The following BAZ2B variants were observed in gnomAD, a reference collection of about 807,000 sequenced individuals.
BAZ2B encodes bromodomain adjacent to zinc finger domain protein 2B.
Under a neutral mutation model 246.0 loss-of-function variants are expected in BAZ2B, and 91 were observed. That is an observed-to-expected ratio of 0.37 (90% CI 0.31 to 0.44). The LOEUF (loss-of-function observed/expected upper bound fraction) is 0.44. Among genes scored for constraint, BAZ2B ranks in the 20% least tolerant of loss-of-function variants. The pLI, the probability that BAZ2B is intolerant of heterozygous loss-of-function variation, is 1.00. For missense variants in BAZ2B, 2,332 were observed against 2,533.7 expected, an observed-to-expected ratio of 0.92 and a Z score of 1.71; for synonymous variants, 855 against 860.0, an observed-to-expected ratio of 0.99 and a Z score of 0.10.
At chr2:159,418,635 G>GTA (rs1326201900) in intron 13 of BAZ2B, among the ~76,000 whole-genome samples, 7 of 151,402 alleles carry the variant, frequency 4.6e-5, no homozygotes, top group Non-Finnish European at 8.8e-5. Flanking sequence ...ATATAATTAT[G>GTA]TAAATACAGT....
the BAZ2B span, among the ~76,000 whole-genome samples, chr2:159,631,595 G>A: frequency 1.3e-5 from 2 of 152,210 alleles, no homozygotes; most frequent in East Asian, 3.8e-4. Context: ...TAGCCAATTT[G>A]AAGGGTCCAA....
At chr2:159,326,839 G>A (rs2063783226) in intron 34 of BAZ2B, among the ~76,000 whole-genome samples, 1 of 152,124 alleles carries the variant, frequency 6.6e-6, no homozygotes, top group Non-Finnish European at 1.5e-5. Context: ...AAAAAAATCT[G>A]CCTTTTGAGA....
intron 31 of BAZ2B, among the ~76,000 whole-genome samples, chr2:159,346,087 A>G (rs1299206907): frequency 6.6e-6 from 1 of 152,232 alleles, no homozygotes; most frequent in East Asian, 1.9e-4. Flanking sequence ...CAGAAAGATG[A>G]CAATACACGA....
the BAZ2B span, among the ~76,000 whole-genome samples, chr2:159,709,827 T>C: frequency 1.3e-5 from 2 of 152,150 alleles, no homozygotes; most frequent in Admixed American, 6.6e-5. Context: ...AGTAAAGGGT[T>C]GAATGACCAT....
At chr2:159,694,410 A>G in the BAZ2B span, 1 of 152,148 alleles carries the variant, frequency 6.6e-6, no homozygotes, top group Non-Finnish European at 1.5e-5. Context: ...ACAAGTTCAT[A>G]AAACAAACAC....
chr2:159,617,677 A>C (rs1696240691), upstream of BAZ2B, among the ~76,000 whole-genome samples: 4 of 152,166 alleles, frequency 2.6e-5, no homozygotes, highest in South Asian at 8.3e-4. Flanking sequence ...CTATTGTTTT[A>C]TGTTTCCTCT....
chr2:159,588,246 A>C (rs2151680257), intron 1 of BAZ2B, among the ~76,000 whole-genome samples: 1 of 151,010 alleles, frequency 6.6e-6, no homozygotes, highest in Non-Finnish European at 1.5e-5. Flanking sequence ...CTGCTTGCCA[A>C]ATGAAACAAA....
intron 16 of BAZ2B, 32 bp from the exon 17 acceptor site, chr2:159,400,696 T>C (rs756175136): frequency 2.5e-6 from 3 of 1,214,492 alleles, no homozygotes; most frequent in Admixed American, 2.0e-5. Context: ...CTTGAGATAA[T>C]AAAATAAACT....
intron 16 of BAZ2B, among the ~76,000 whole-genome samples, chr2:159,401,415 T>C (rs2065046998): frequency 6.6e-6 from 1 of 152,200 alleles, no homozygotes; most frequent in Non-Finnish European, 1.5e-5. Flanking sequence ...GAGAGGTGTT[T>C]GCCCTTTCTC....
chr2:159,576,879 C>G (rs1167370981), intron 1 of BAZ2B, among the ~76,000 whole-genome samples: 1 of 130,188 alleles, frequency 7.7e-6, no homozygotes, highest in Admixed American at 8.4e-5. Context: ...CGCCACTGCA[C>G]TCCAGCCTGG....
At chr2:159,697,719 TTAAATA>T in the BAZ2B span, among the ~76,000 whole-genome samples, 1 of 152,154 alleles carries the variant, frequency 6.6e-6, no homozygotes, top group South Asian at 2.1e-4. Context: ...TACTATCTTC[TTAAATA>T]TAAATATCTT....
intron 1 of BAZ2B, among the ~76,000 whole-genome samples, chr2:159,597,339 T>C (rs1379676388): frequency 6.6e-6 from 1 of 152,226 alleles, no homozygotes; most frequent in Non-Finnish European, 1.5e-5. Flanking sequence ...CTTAGAATAC[T>C]AGTTAATTCC....
the BAZ2B span, among the ~76,000 whole-genome samples, chr2:159,701,965 G>A: frequency 6.6e-6 from 1 of 152,066 alleles, no homozygotes; most frequent in Non-Finnish European, 1.5e-5. Context: ...CTGACCTCAG[G>A]TGATTGCCCG....
intron 1 of BAZ2B, among the ~76,000 whole-genome samples, chr2:159,562,930 A>G (rs1370750710): frequency 6.6e-6 from 1 of 152,172 alleles, no homozygotes; most frequent in Non-Finnish European, 1.5e-5. Context: ...ATAAGGTAAC[A>G]GTTTCATAAA....
At chr2:159,456,999 A>C (rs2150529455) in intron 3 of BAZ2B, among the ~76,000 whole-genome samples, 1 of 152,316 alleles carries the variant, frequency 6.6e-6, no homozygotes, top group Admixed American at 6.5e-5. Context: ...TAAAAAAGTA[A>C]TCTTTTTCAT....
At chr2:159,617,492 G>A (rs1696222406), upstream of BAZ2B, among the ~76,000 whole-genome samples, 1 of 151,012 alleles carries the variant, frequency 6.6e-6, no homozygotes, top group Admixed American at 6.6e-5. Context: ...TTAGAAGTTC[G>A]TTGAGGTACC....
At chr2:159,362,800 T>C (rs2059850912) in intron 27 of BAZ2B, among the ~76,000 whole-genome samples, 1 of 152,100 alleles carries the variant, frequency 6.6e-6, no homozygotes, top group Admixed American at 6.6e-5. Flanking sequence ...TTCTATCTCT[T>C]CTCCTTATCA....
rs759660853 is a variant in BAZ2B at position 159,332,631 on chromosome 2, C to A, written c.5852G>T (p.Gly1951Val). The change falls in exon 34 of 37, where the codon GGC becomes GTC. Residue 1951 changes from glycine to valine, a missense_variant. Gly to Val is a moderately radical substitution (Grantham distance 109). This residue lies in a region of BAZ2B where 3 missense variants were observed against 19.4 expected (regional missense o/e 0.15). Transcript: ENST00000392783. ...DNEELLLLCDGCDKGCHTYCH... is the reference protein window; with the variant it reads ...DNEELLLLCDVCDKGCHTYCH... ...GTAGGTATGACAGCCTTTGTCACAG[C>A]CATCACAAAGAAGAAGCAGTTCTTC... 6.8e-6 allele frequency: 11 copies of A among 1,613,944 alleles called. No individual in the cohort carries two copies. Among genetic ancestry groups the A allele is most frequent in the African/African-American group, 6.7e-5 (5 of 74,902 alleles).
chr2:159,407,014 A>G (rs1318979347), intron 14 of BAZ2B, among the ~76,000 whole-genome samples: 1 of 151,728 alleles, frequency 6.6e-6, no homozygotes, highest in Non-Finnish European at 1.5e-5. Flanking sequence ...TCGGCCTCCC[A>G]AAGTGCTGGG....
Sources: gnomAD v4.1 joint callset for allele counts (sites outside exome capture counted in the v4.1 genomes callset) on GRCh38, gnomAD v4.1.1 for gene constraint, gnomAD v4.1.1 regional missense constraint, MANE v1.5 for transcripts, NCBI Gene and HGNC (gene_info 2026-07-23, HGNC 2026-07-21) for gene names.